XPNPEP3: variants seen among roughly 807,000 people sequenced by gnomAD.
XPNPEP3 encodes xaa-Pro aminopeptidase 3.
Under a neutral mutation model 60.0 loss-of-function variants are expected in XPNPEP3, and 41 were observed. The observed-to-expected ratio is 0.68, with a 90% CI of 0.53 to 0.89. The LOEUF (loss-of-function observed/expected upper bound fraction) is 0.89, where lower values mean the gene tolerates loss of function less well. Ranked by LOEUF, XPNPEP3 falls within the 40% of genes least tolerant of loss-of-function variation. The pLI is 0.00. For synonymous variants in XPNPEP3, 212 were observed against 223.2 expected (o/e 0.95, Z 0.45); for missense variants, 598 against 638.9 (o/e 0.94, Z 0.69).
intron 4 of XPNPEP3, among the ~76,000 whole-genome samples, chr22:40,903,766 G>C (rs1208518456): frequency 6.6e-6 from 1 of 151,980 alleles, no homozygotes; most frequent in Non-Finnish European, 1.5e-5. Flanking sequence ...GGGATTACAG[G>C]TGTGAGCCAC....
In XPNPEP3 at chr22:40,879,535, A is replaced by G. The variant is rs1454703498; in HGVS notation, c.182-2235A>G. On this transcript the variant is annotated intron_variant, in intron 2 of 9. Coordinates refer to ENST00000357137, the MANE Select transcript of XPNPEP3 (RefSeq NM_022098.4). ...AGCCTGGGCAACATGGTGAAACCCC[A>G]TCTCTACTAAAAATAGAAAAATTAG... 2.0e-5 allele frequency among the ~76,000 whole-genome samples: 3 copies of G among 151,888 alleles called. No homozygotes were observed. In the East Asian group the frequency reaches 5.8e-4, roughly 29 times the overall value.
chr22:40,903,903 C>CACAA (rs2058144703), intron 4 of XPNPEP3, among the ~76,000 whole-genome samples: 1 of 151,888 alleles, frequency 6.6e-6, no homozygotes, highest in African/African-American at 2.4e-5. Context: ...CACACACACA[C>CACAA]ACACACACAA....
At position 40,926,885 on chromosome 22, in the gene XPNPEP3, T is replaced by C. The variant is rs2058236330; in HGVS notation, c.*450T>C. ...AGCTAATTACCAAGGTCTCTGCCTA[T>C]GCAAAAATTCATCTTTCGGTGATTG... On this transcript the variant is annotated 3_prime_UTR_variant, in exon 10 of 10. Transcript: ENST00000357137. 4.2e-6 allele frequency: 1 copy of C among 240,800 alleles called. No individual in the cohort carries two copies. Among genetic ancestry groups the C allele is most frequent in the Non-Finnish European group, 8.3e-6 (1 of 121,026 alleles). The allele number at this position is 240,800 out of a possible 1,614,324, so 14.9% of individuals were successfully genotyped here.
At chr22:40,877,887 C>T (rs1336204983) in intron 2 of XPNPEP3, among the ~76,000 whole-genome samples, 1 of 152,100 alleles carries the variant, frequency 6.6e-6, no homozygotes, top group East Asian at 1.9e-4. Flanking sequence ...TCCTCCTTCA[C>T]ATGGAAAGGT....
At chr22:40,922,743 C>T (rs1428577026) in intron 8 of XPNPEP3, among the ~76,000 whole-genome samples, 1 of 151,942 alleles carries the variant, frequency 6.6e-6, no homozygotes, top group Admixed American at 6.6e-5. Context: ...CACACACACA[C>T]ACATATATAT....
chr22:40,919,300 A>AT (rs1390201927), intron 7 of XPNPEP3, among the ~76,000 whole-genome samples: 1 of 152,198 alleles, frequency 6.6e-6, no homozygotes. Flanking sequence ...CACACCTGTA[A>AT]TCCCAGCACT....
At chr22:40,894,344 C>G (rs2058100040) in intron 4 of XPNPEP3, among the ~76,000 whole-genome samples, 1 of 152,060 alleles carries the variant, frequency 6.6e-6, no homozygotes, top group Non-Finnish European at 1.5e-5. Context: ...GACTTCTTTC[C>G]CCTTAGCAAC....
intron 2 of XPNPEP3, among the ~76,000 whole-genome samples, chr22:40,875,662 A>G (rs953505382): frequency 4.6e-5 from 7 of 152,080 alleles, no homozygotes; most frequent in African/African-American, 1.7e-4. Context: ...CTAGGGAGAA[A>G]TAGAAAATCT....
intron 4 of XPNPEP3, among the ~76,000 whole-genome samples, chr22:40,899,920 C>T (rs1422394011): frequency 2.6e-5 from 4 of 151,834 alleles, no homozygotes; most frequent in African/African-American, 9.7e-5. Flanking sequence ...CCTGTAATCC[C>T]GAATACTCGG....
At chr22:40,871,817 G>T (rs974518939) in intron 2 of XPNPEP3, among the ~76,000 whole-genome samples, 2 of 152,094 alleles carry the variant, frequency 1.3e-5, no homozygotes, top group Admixed American at 1.3e-4. Flanking sequence ...GATGGATCAC[G>T]AGGTCAGGAG....
At chr22:40,861,024 C>T (rs762596294) in intron 1 of XPNPEP3, 5 of 1,527,592 alleles carry the variant, frequency 3.3e-6, no homozygotes, top group Non-Finnish European at 4.4e-6. Context: ...AACCAAAACA[C>T]ACACAATTGT....
intron 4 of XPNPEP3, among the ~76,000 whole-genome samples, chr22:40,892,709 T>G (rs1253046931): frequency 6.6e-6 from 1 of 152,012 alleles, no homozygotes; most frequent in Non-Finnish European, 1.5e-5. Flanking sequence ...AAATATTGAG[T>G]CCCCCAGGCT....
chr22:40,864,421 C>G (rs1026121711), intron 1 of XPNPEP3, among the ~76,000 whole-genome samples: 22 of 152,002 alleles, frequency 1.4e-4, no homozygotes, highest in African/African-American at 5.1e-4. Context: ...TTGACAGGGA[C>G]TTATTTTATT....
intron 1 of XPNPEP3, among the ~76,000 whole-genome samples, chr22:40,868,744 G>A (rs1306552094): frequency 6.6e-6 from 1 of 152,060 alleles, no homozygotes; most frequent in African/African-American, 2.4e-5. Context: ...TATGTAGGAG[G>A]CTTGAGGCAG....
At chr22:40,907,328 G>A (rs1601514551) in intron 4 of XPNPEP3, 1 of 430,312 alleles carries the variant, frequency 2.3e-6, no homozygotes, top group African/African-American at 2.0e-5. Context: ...GGCTGAGGCA[G>A]GAGAATGGCG....
At chr22:40,910,504 A>G (rs2058173252) in intron 6 of XPNPEP3, among the ~76,000 whole-genome samples, 1 of 151,880 alleles carries the variant, frequency 6.6e-6, no homozygotes, top group African/African-American at 2.4e-5. Flanking sequence ...CAGGAGTTCA[A>G]GACTGGCCTG....
intron 1 of XPNPEP3, chr22:40,861,335 T>C (rs1238626885): frequency 6.2e-7 from 1 of 1,614,028 alleles, no homozygotes; most frequent in African/African-American, 1.3e-5. Context: ...CAAGAAAAAA[T>C]GTCAACTCTC....
At chr22:40,913,895 C>T (rs533687071) in intron 6 of XPNPEP3, among the ~76,000 whole-genome samples, 3 of 151,938 alleles carry the variant, frequency 2.0e-5, no homozygotes, top group South Asian at 2.1e-4. Context: ...CTGTAATCCC[C>T]GCACTTTGGG....
At chr22:40,858,368 C>G (rs1018367319) in intron 1 of XPNPEP3, among the ~76,000 whole-genome samples, 2 of 152,114 alleles carry the variant, frequency 1.3e-5, no homozygotes, top group African/African-American at 2.4e-5. Context: ...CTCTGAGCCA[C>G]CGCCCCAGGC....
Sources: gnomAD v4.1 joint callset for allele counts (sites outside exome capture counted in the v4.1 genomes callset) on GRCh38, gnomAD v4.1.1 for gene constraint, MANE v1.5 for transcripts, NCBI Gene and HGNC (gene_info 2026-07-23, HGNC 2026-07-21) for gene names.